The following SERPINB7 variants were observed in gnomAD, a reference collection of about 807,000 sequenced individuals.
SERPINB7 encodes the protein serpin B7.
In SERPINB7, 31 loss-of-function variants were observed where a neutral mutation model predicts 37.4. That is an observed-to-expected ratio of 0.83 (90% CI 0.62 to 1.12). The LOEUF (loss-of-function observed/expected upper bound fraction) is 1.12, where lower values mean the gene tolerates loss of function less well. SERPINB7 is among the 50% of genes most tolerant of loss of function. The probability of loss-of-function intolerance (pLI) is 0.00; values close to 1 mark genes in which losing one functional copy is unlikely to be tolerated. For synonymous variants in SERPINB7, 163 were observed against 166.1 expected (o/e 0.98, Z 0.14); for missense variants, 521 against 455.3 (o/e 1.14, Z -1.31).
chr18:63,769,810 T>A (rs890985316), intron 1 of SERPINB7, among the ~76,000 whole-genome samples: 2 of 152,018 alleles, frequency 1.3e-5, no homozygotes, highest in Admixed American at 6.6e-5. Flanking sequence ...ACTCAGGACT[T>A]CATATACAAA....
At chr18:63,799,370 C>A (rs8088961) in intron 6 of SERPINB7, among the ~76,000 whole-genome samples, 4,115 of 152,190 alleles carry the variant, frequency 0.027, 78 homozygotes, top group South Asian at 0.09. Context: ...GTATTGGGGC[C>A]CCTGCCTTGC....
chr18:63,766,602 G>T (rs763328803), intron 1 of SERPINB7, among the ~76,000 whole-genome samples: 1 of 151,992 alleles, frequency 6.6e-6, no homozygotes, highest in African/African-American at 2.4e-5. Context: ...GGATCATTTT[G>T]CAGGAATGTT....
rs80228338 is a variant in SERPINB7, at chr18:63,753,658, C to G, written c.-19+538C>G. Among the ~76,000 whole-genome samples the G allele has an allele frequency of 2.7e-3, 413 of 152,272 alleles. 3 individuals carry two copies. Among genetic ancestry groups the G allele is most frequent in the African/African-American group, 9.1e-3 (378 of 41,546 alleles). ...ACAAGTTACATGCCAACTCCCAGGT[C>G]GATCACAATACAACCATGATGATAA... On this transcript the variant is annotated intron_variant, in intron 1 of 7. Coordinates refer to the SERPINB7 transcript ENST00000336429.
intron 1 of SERPINB7, among the ~76,000 whole-genome samples, chr18:63,781,901 CT>C (rs1361505255): frequency 1.3e-5 from 2 of 151,730 alleles, no homozygotes; most frequent in African/African-American, 4.8e-5. Flanking sequence ...TTACAGAGGC[CT>C]TAATGGAAAG....
chr18:63,799,199 C>T (rs181956405), intron 6 of SERPINB7, among the ~76,000 whole-genome samples: 1 of 152,238 alleles, frequency 6.6e-6, no homozygotes, highest in Non-Finnish European at 1.5e-5. Context: ...TATGCATTTC[C>T]AAGTACAAGC....
At chr18:63,784,981 G>C (rs926517238) in intron 2 of SERPINB7, among the ~76,000 whole-genome samples, 3 of 152,170 alleles carry the variant, frequency 2.0e-5, no homozygotes, top group African/African-American at 7.2e-5. Context: ...ATGAGTCATG[G>C]TGAACTGAGA....
At chr18:63,786,087 CATATA>C (rs780692980) in intron 2 of SERPINB7, among the ~76,000 whole-genome samples, 14 of 104,106 alleles carry the variant, frequency 1.3e-4, no homozygotes, top group Admixed American at 1.9e-4. Flanking sequence ...TACATATATA[CATATA>C]ATATAAGTAT....
intron 1 of SERPINB7, chr18:63,777,763 A>G (rs1156759757): frequency 6.6e-6 from 1 of 152,306 alleles, no homozygotes; most frequent in African/African-American, 2.4e-5. Flanking sequence ...ATTTCAGAGT[A>G]ATGCAAAGAA....
intron 1 of SERPINB7, among the ~76,000 whole-genome samples, chr18:63,762,762 G>T (rs1184254108): frequency 6.6e-6 from 1 of 152,156 alleles, no homozygotes; most frequent in African/African-American, 2.4e-5. Flanking sequence ...AAATGTTTAT[G>T]AGAAGAGTCA....
chr18:63,779,685 A>G (rs1474086312), intron 1 of SERPINB7, among the ~76,000 whole-genome samples: 1 of 151,798 alleles, frequency 6.6e-6, no homozygotes, highest in South Asian at 2.1e-4. Context: ...TAAGCTAAAC[A>G]TTTATGTACT....
rs181586446 is a variant in SERPINB7 at position 63,762,376 on chromosome 18, C to A, written c.-19+9256C>A. Among the ~76,000 whole-genome samples the A allele has an allele frequency of 3.4e-3, 520 of 152,276 alleles. 2 individuals are homozygous for A. Among genetic ancestry groups the A allele is most frequent in the Non-Finnish European group, 4.2e-3 (287 of 68,006 alleles). On this transcript the variant is annotated intron_variant, in intron 1 of 7. Transcript: ENST00000336429. ...GATTGTCATATTTTTCTTATCTCTG[C>A]AGAGACAGTCTTTGTAGGTTGATTC...
intron 2 of SERPINB7, among the ~76,000 whole-genome samples, chr18:63,783,605 G>A (rs2049335926): frequency 6.6e-6 from 1 of 152,172 alleles, no homozygotes; most frequent in Middle Eastern, 3.2e-3. Flanking sequence ...ACACACCCGT[G>A]CACACAGCTC....
chr18:63,759,858 C>A (rs185662291), intron 1 of SERPINB7, among the ~76,000 whole-genome samples: 73 of 152,322 alleles, frequency 4.8e-4, no homozygotes, highest in African/African-American at 1.6e-3. Context: ...CACCTCCCCC[C>A]ATGATTCTGA....
intron 2 of SERPINB7, among the ~76,000 whole-genome samples, chr18:63,789,763 G>A (rs527975325): frequency 3.3e-5 from 5 of 152,310 alleles, no homozygotes; most frequent in Middle Eastern, 3.4e-3. Context: ...AAAATATAGT[G>A]AAAGGTTGAA....
intron 2 of SERPINB7, among the ~76,000 whole-genome samples, chr18:63,783,240 AAG>A (rs1461807654): frequency 2.5e-5 from 2 of 79,140 alleles, no homozygotes; most frequent in East Asian, 2.7e-4. Flanking sequence ...GAGAGAAAGA[AAG>A]AAAGAAAGAA....
chr18:63,776,164 GT>G (rs753038697), intron 1 of SERPINB7, among the ~76,000 whole-genome samples: 3 of 151,750 alleles, frequency 2.0e-5, no homozygotes, highest in Admixed American at 6.6e-5. Context: ...TTGGCTTCAT[GT>G]TTTTTTTGTT....
intron 4 of SERPINB7, among the ~76,000 whole-genome samples, chr18:63,794,668 C>T (rs750739983): frequency 7.9e-5 from 12 of 151,568 alleles, no homozygotes; most frequent in African/African-American, 1.7e-4. Context: ...CCGGCCTGGG[C>T]GAAAGAGCGA....
At chr18:63,763,058 C>T (rs953012606) in intron 1 of SERPINB7, among the ~76,000 whole-genome samples, 1 of 152,066 alleles carries the variant, frequency 6.6e-6, no homozygotes, top group Admixed American at 6.5e-5. Context: ...AAACATACTC[C>T]TTTAACTGTG....
At chr18:63,760,730 G>T (rs1716359713) in intron 1 of SERPINB7, among the ~76,000 whole-genome samples, 1 of 152,194 alleles carries the variant, frequency 6.6e-6, no homozygotes, top group South Asian at 2.1e-4. Flanking sequence ...TACAGCTCGG[G>T]CTATGGCTTC....
Sources: gnomAD v4.1 joint callset for allele counts (sites outside exome capture counted in the v4.1 genomes callset) on GRCh38, gnomAD v4.1.1 for gene constraint, MANE v1.5 for transcripts, NCBI Gene and HGNC (gene_info 2026-07-23, HGNC 2026-07-21) for gene names.